EXT1: variants seen among roughly 807,000 people sequenced by gnomAD.
EXT1 encodes the protein exostosin-1.
Under a neutral mutation model 82.5 loss-of-function variants are expected in EXT1, and 20 were observed. That is an observed-to-expected ratio of 0.24 (90% CI 0.17 to 0.35). EXT1 has a LOEUF of 0.35. Ranked by LOEUF, EXT1 falls within the 10% of genes least tolerant of loss-of-function variation. The probability of loss-of-function intolerance (pLI) is 1.00; values close to 1 mark genes in which losing one functional copy is unlikely to be tolerated. For synonymous variants in EXT1, 348 were observed against 350.8 expected, an observed-to-expected ratio of 0.99 and a Z score of 0.09; for missense variants, 757 against 936.5, an observed-to-expected ratio of 0.81 and a Z score of 2.50.
At chr8:118,007,113 C>T (rs1170657987) in intron 1 of EXT1, among the ~76,000 whole-genome samples, 3 of 152,058 alleles carry the variant, frequency 2.0e-5, no homozygotes, top group South Asian at 2.1e-4. Flanking sequence ...TTGGCTAACA[C>T]GGTGAAACCC....
chr8:117,990,442 A>G (rs1815409383), intron 1 of EXT1, among the ~76,000 whole-genome samples: 1 of 152,226 alleles, frequency 6.6e-6, no homozygotes. Flanking sequence ...AGCTGAAGCG[A>G]TATCTCGACA....
chr8:117,845,888 C>T (rs1263285267), intron 1 of EXT1, among the ~76,000 whole-genome samples: 3 of 152,142 alleles, frequency 2.0e-5, no homozygotes, highest in African/African-American at 7.2e-5. Flanking sequence ...CTACTGACCC[C>T]AGTTTACAGA....
rs1241139128 is a variant in EXT1 at position 117,797,152 on chromosome 8, A to G, written c.*2560T>C. On this transcript the variant is annotated 3_prime_UTR_variant, in exon 11 of 11. Coordinates refer to ENST00000378204, the MANE Select transcript of EXT1 (RefSeq NM_000127.3). ...TGTCAACTTGTTGCAATGCAATACA[A>G]CTCTTTCCTAACTGAATTAAAATTA... 19 of 152,152 alleles carry G rather than the reference A, an allele frequency of 1.2e-4. No homozygotes were observed. The highest frequency in any genetic ancestry group is 5.9e-5 in the Non-Finnish European group (4 of 68,024). 9.4% of individuals were successfully genotyped at this position (152,152 alleles called of 1,614,324 possible).
Position 117,860,455 on chromosome 8 carries a change from A to C in EXT1, c.963-23254T>G, listed in dbSNP as rs1253220395. Among the ~76,000 whole-genome samples the C allele has an allele frequency of 2.0e-5, 3 of 152,204 alleles. No individual in the cohort carries two copies. In the East Asian group the frequency reaches 5.8e-4, roughly 29 times the overall value. On this transcript the variant is annotated intron_variant, in intron 1 of 10. Transcript: ENST00000378204. ...AACTGAAAGCCCAGCCTTCGCCACTATGCAGTATGTCCATGTCAGACAACT... is the reference window on the plus strand; with the variant it reads ...AACTGAAAGCCCAGCCTTCGCCACTCTGCAGTATGTCCATGTCAGACAACT...
At position 118,111,528 on chromosome 8, in the gene EXT1, T is replaced by A. The variant is rs1586280753; in HGVS notation, c.-482A>T. 6.7e-6 allele frequency: 3 copies of A among 448,712 alleles called. No homozygotes were observed. Among genetic ancestry groups the A allele is most frequent in the Non-Finnish European group, 1.2e-5 (3 of 255,298 alleles). 27.8% of individuals were successfully genotyped at this position (448,712 alleles called of 1,614,324 possible). On this transcript the variant is annotated 5_prime_UTR_variant, in exon 1 of 11. Transcript: ENST00000378204. ...TGCAGAGCACTCCGGTTCCAACAAG[T>A]CAGCCGATCCCGGGTTCAGCCGGCT...
At chr8:117,920,048 T>C (rs1318149299) in intron 1 of EXT1, among the ~76,000 whole-genome samples, 1 of 152,120 alleles carries the variant, frequency 6.6e-6, no homozygotes, top group Non-Finnish European at 1.5e-5. Flanking sequence ...GAACAGGGGT[T>C]TGAGGTTAAA....
intron 1 of EXT1, among the ~76,000 whole-genome samples, chr8:118,042,094 G>C (rs1816542906): frequency 6.6e-6 from 1 of 152,086 alleles, no homozygotes; most frequent in Non-Finnish European, 1.5e-5. Context: ...TCTTGCTCTG[G>C]TGTCTCCCCT....
chr8:118,111,195 C>T lies in EXT1; in HGVS notation c.-149G>A. On this transcript the variant is annotated 5_prime_UTR_variant, in exon 1 of 11. Transcript: ENST00000378204. The stretch of plus-strand genomic sequence containing the variant: ...CCTTCTCTGGATGCCTTTCCCCAAG[C>T]CGTGGACTGATCCAGCGCATGTGGG... The T allele has an allele frequency of 8.8e-7, 1 of 1,136,386 alleles. No individual in the cohort carries two copies. The highest frequency in any genetic ancestry group is 1.3e-5 in the South Asian group (1 of 74,808). The allele number at this position is 1,136,386 out of a possible 1,614,324, so 70.4% of individuals were successfully genotyped here.
In EXT1 at chr8:118,049,513, G is replaced by A. The variant is rs550172654; in HGVS notation, c.962+60572C>T. ...AAAGAGACAGCACAAAGGGAAAGGG[G>A]GCCAGAAGGACAAGAAATGCCCCAT... On this transcript the variant is annotated intron_variant, in intron 1 of 10. Transcript: ENST00000378204. Among the ~76,000 whole-genome samples the A allele has an allele frequency of 5.3e-5, 8 of 152,222 alleles. No individual in the cohort carries two copies. The East Asian group carries it at 1.4e-3, about 26-fold the overall frequency.
chr8:117,807,719 G>A (rs1382412621), intron 8 of EXT1, among the ~76,000 whole-genome samples: 4 of 152,042 alleles, frequency 2.6e-5, no homozygotes, highest in Admixed American at 6.5e-5. Flanking sequence ...CTTGATTCAC[G>A]TGAGACACAA....
At chr8:118,087,939 C>CAAAAA (rs10706033) in intron 1 of EXT1, among the ~76,000 whole-genome samples, 8 of 83,920 alleles carry the variant, frequency 9.5e-5, no homozygotes, top group African/African-American at 2.6e-4. Flanking sequence ...CGTTTCAGGG[C>CAAAAA]AAAAAAAAAA....
chr8:117,909,084 A>G (rs1205317083), intron 1 of EXT1, among the ~76,000 whole-genome samples: 1 of 151,928 alleles, frequency 6.6e-6, no homozygotes, highest in Non-Finnish European at 1.5e-5. Context: ...GTGAACCGAG[A>G]TCGGGCCGTT....
intron 1 of EXT1, among the ~76,000 whole-genome samples, chr8:117,998,589 A>C (rs1049017945): frequency 2.0e-5 from 3 of 152,194 alleles, no homozygotes; most frequent in African/African-American, 7.2e-5. Flanking sequence ...TGCCCAGCCT[A>C]AAATTCTGCA....
chr8:118,033,806 G>A (rs949024167), intron 1 of EXT1, among the ~76,000 whole-genome samples: 3 of 152,178 alleles, frequency 2.0e-5, no homozygotes, highest in African/African-American at 7.2e-5. Context: ...TGAATGAAAA[G>A]TTTGGATATG....
intron 1 of EXT1, among the ~76,000 whole-genome samples, chr8:117,912,235 C>G (rs1040529752): frequency 6.6e-6 from 1 of 152,174 alleles, no homozygotes; most frequent in East Asian, 1.9e-4. Context: ...CTAAAGAATA[C>G]TGCTTAGAAG....
In EXT1 at chr8:118,007,531, T is replaced by C. The variant is rs576567237; in HGVS notation, c.962+102554A>G. 1.9e-3 allele frequency among the ~76,000 whole-genome samples: 294 copies of C among 152,332 alleles called. 1 individual carries two copies. Among genetic ancestry groups the C allele is most frequent in the African/African-American group, 6.4e-3 (266 of 41,578 alleles). ...TGGGGCTTCATACCTAGGTGATATATTGACAGGTGCAGCAAAACCACCACG... is the reference window on the plus strand; with the variant it reads ...TGGGGCTTCATACCTAGGTGATATACTGACAGGTGCAGCAAAACCACCACG... On this transcript the variant is annotated intron_variant, in intron 1 of 10. Coordinates refer to ENST00000378204, the MANE Select transcript of EXT1 (RefSeq NM_000127.3).
chr8:118,002,738 G>A (rs931610470), intron 1 of EXT1, among the ~76,000 whole-genome samples: 5 of 151,646 alleles, frequency 3.3e-5, no homozygotes, highest in East Asian at 2.0e-4. Context: ...TTCACCGTGT[G>A]AGCCAGGATG....
chr8:118,047,600 T>G (rs1043357044), intron 1 of EXT1, among the ~76,000 whole-genome samples: 10 of 152,150 alleles, frequency 6.6e-5, no homozygotes, highest in African/African-American at 2.4e-4. Flanking sequence ...TCCATACATC[T>G]CACTCACAAT....
Position 117,799,914 on chromosome 8 carries a change from A to T in EXT1, c.2056-17T>A, listed in dbSNP as rs1250701431. 1.9e-6 allele frequency: 3 copies of T among 1,613,254 alleles called. 1 individual carries two copies. In the South Asian group the frequency reaches 3.3e-5, roughly 18 times the overall value. ...CCGAGAAGTCTAGGGAGAAGGAGAG[A>T]AACAAGGATAATGATGAGAGAAGTG... On this transcript the variant is annotated splice_polypyrimidine_tract_variant and intron_variant, in intron 10 of 10. Transcript: ENST00000378204.
Sources: allele counts gnomAD v4.1 joint callset (sites outside exome capture counted in the v4.1 genomes callset), GRCh38; gene constraint gnomAD v4.1.1; transcripts MANE v1.5; gene names NCBI Gene and HGNC (gene_info 2026-07-23, HGNC 2026-07-21).